HIP1R: variants seen among roughly 807,000 people sequenced by gnomAD.
HIP1R encodes the protein huntingtin-interacting protein 1-related protein.
Under a neutral mutation model 144.2 loss-of-function variants are expected in HIP1R, and 135 were observed. The ratio of observed to expected loss-of-function variants is 0.94; its 90% confidence interval spans 0.81 to 1.08. The LOEUF (loss-of-function observed/expected upper bound fraction) is 1.08, where lower values mean the gene tolerates loss of function less well. Among genes scored for constraint, HIP1R ranks in the 50% least tolerant of loss-of-function variants. The probability of loss-of-function intolerance (pLI) is 0.00; values close to 1 mark genes in which losing one functional copy is unlikely to be tolerated. For missense variants in HIP1R, 1,462 were observed against 1,432.8 expected, an observed-to-expected ratio of 1.02 and a Z score of -0.33; for synonymous variants, 698 against 612.8, an observed-to-expected ratio of 1.14 and a Z score of -2.05.
chr12:122,857,320 A>C, intron 18 of HIP1R, 105 bp downstream of exon 18: 1 of 1,041,056 alleles, frequency 9.6e-7, no homozygotes. Flanking sequence ...TGTAAAGGGG[A>C]TCATACACGA....
Position 122,856,183 on chromosome 12 carries a change from C to A in HIP1R, c.1312+20C>A. On this transcript the variant is annotated intron_variant, in intron 14 of 31. Coordinates refer to ENST00000253083, the MANE Select transcript of HIP1R (RefSeq NM_003959.3). ...CTGAGAGTACGTGGGGCCTTGGCCA[C>A]AGGGGTCCAAGGGTGTGTCCCCAGC... 6.2e-7 allele frequency: 1 copy of A among 1,610,454 alleles called. No individual in the cohort carries two copies. Among genetic ancestry groups the A allele is most frequent in the Non-Finnish European group, 8.5e-7 (1 of 1,178,656 alleles).
intron 31 of HIP1R, 93 bp downstream of exon 31, chr12:122,861,607 G>A: frequency 1.9e-6 from 3 of 1,577,042 alleles, no homozygotes; most frequent in Non-Finnish European, 1.7e-6. Flanking sequence ...GGGAAGTCAG[G>A]GACCACTGAC....
intron 1 of HIP1R, among the ~76,000 whole-genome samples, chr12:122,841,481 G>A (rs867799357): frequency 5.1e-4 from 78 of 152,254 alleles, no homozygotes; most frequent in African/African-American, 1.5e-3. Flanking sequence ...ATGCTCAGGG[G>A]CCAGTGGTCT....
chr12:122,859,503 C>T lies in HIP1R; in HGVS notation c.2373C>T (p.Ser791=), dbSNP rs750381783. 21 of 1,613,178 alleles carry T rather than the reference C, an allele frequency of 1.3e-5. No homozygotes were observed. The highest frequency in any genetic ancestry group is 1.6e-4 in the Middle Eastern group (1 of 6,084). The change falls in exon 23 of 32, where the codon TCC becomes TCT. Residue 791 remains serine, a synonymous_variant. Coordinates refer to ENST00000253083, the MANE Select transcript of HIP1R (RefSeq NM_003959.3). ...AVVDKEMAAT[S]AAIEDAVRRI... ...TCGACAAGGAGATGGCGGCCACATCCGCAGCCATTGAAGATGCTGTGCGGA... is the reference window on the plus strand; with the variant it reads ...TCGACAAGGAGATGGCGGCCACATCTGCAGCCATTGAAGATGCTGTGCGGA...
chr12:122,838,112 A>G (rs986164177), intron 1 of HIP1R, among the ~76,000 whole-genome samples: 2 of 152,270 alleles, frequency 1.3e-5, no homozygotes, highest in African/African-American at 2.4e-5. Context: ...CAGGAGGAAG[A>G]TAATTGCTTT....
rs773363398 is a variant in HIP1R at position 122,861,433 on chromosome 12, C to T, written c.3078C>T (p.Pro1026=). ...GSPGEEVAIR[P]STAPRSVTTK... is the part of the protein sequence containing the mutation. ...CTGGAGAGGAGGTGGCCATCCGGCC[C>T]AGCACTGCCCCCCGAAGTGTAACCA... The change falls in exon 31 of 32, where the codon CCC becomes CCT. Residue 1026 remains proline, a synonymous_variant. Transcript: ENST00000253083. 2 of 1,613,416 alleles carry T rather than the reference C, an allele frequency of 1.2e-6. No individual in the cohort carries two copies. The highest frequency in any genetic ancestry group is 2.7e-5 in the African/African-American group (2 of 74,920).
rs767023243 is a variant in HIP1R at position 122,859,132 on chromosome 12, G to A, written c.2230G>A (p.Ala744Thr). ...CATGGGGCAGCTGCAGGACCAGCAG[G>A]CTCTGCGGCACATGCAGGCCAGCCT... ...ELMGQLQDQQ[A>T]LRHMQASLVR... Residue 744 changes from alanine to threonine, a missense_variant, in exon 22 of 32, where the codon GCT becomes ACT. Physicochemically the swap from Ala to Thr is moderately conservative, Grantham distance 58. Coordinates refer to ENST00000253083, the MANE Select transcript of HIP1R (RefSeq NM_003959.3). The A allele has an allele frequency of 6.3e-7, 1 of 1,591,838 alleles. No homozygotes were observed. Among genetic ancestry groups the A allele is most frequent in the Non-Finnish European group, 8.5e-7 (1 of 1,170,042 alleles).
At position 122,848,917 on chromosome 12, in the gene HIP1R, G is replaced by A. The variant is rs1037719122; in HGVS notation, c.357+65G>A. 35 of 1,533,240 alleles carry A rather than the reference G, an allele frequency of 2.3e-5. 1 individual carries two copies. The African/African-American group carries it at 2.9e-4, about 13-fold the overall frequency. 95.0% of individuals were successfully genotyped at this position (1,533,240 alleles called of 1,614,324 possible). ...CTTTCCTGAGCGTGTGGGGCTGAGC[G>A]AAGGGTGGCTCCCTGTGGGCAGTTC... On this transcript the variant is annotated intron_variant, in intron 4 of 31. Transcript: ENST00000253083.
chr12:122,835,488 G>T lies in HIP1R; in HGVS notation c.-63G>T. ...GCCTCGCGGTGCCTAGGCTGGGGCT[G>T]CCGGACCGTGAGGCTGTGAGTCGCG... On this transcript the variant is annotated 5_prime_UTR_variant, in exon 1 of 32. Transcript: ENST00000253083. The T allele has an allele frequency of 1.6e-6, 2 of 1,227,918 alleles. No homozygotes were observed. Among genetic ancestry groups the T allele is most frequent in the South Asian group, 5.2e-5 (2 of 38,550 alleles). The allele number at this position is 1,227,918 out of a possible 1,614,324, so 76.1% of individuals were successfully genotyped here.
At position 122,855,071 on chromosome 12, in the gene HIP1R, C is replaced by G. The variant is rs773113409; in HGVS notation, c.795C>G (p.Arg265=). Residue 265 remains arginine (R), a synonymous_variant, in exon 10 of 32, where the codon CGC becomes CGG. Transcript: ENST00000253083. The part of the protein sequence containing the change: ...EQFHSLRNFF[R]RASDMLYFKR... ...TCTGCAGCCTCAGGAACTTCTTCCG[C>G]AGAGCCTCCGACATGCTGTACTTCA... The G allele has an allele frequency of 2.1e-5, 34 of 1,613,804 alleles. No individual in the cohort carries two copies. The highest frequency in any genetic ancestry group is 2.5e-5 in the Non-Finnish European group (29 of 1,180,030).
chr12:122,852,103 A>G (rs2033419203), intron 7 of HIP1R, among the ~76,000 whole-genome samples: 1 of 152,144 alleles, frequency 6.6e-6, no homozygotes, highest in South Asian at 2.1e-4. Context: ...CTTCAAAACA[A>G]CTCATGGGTG....
chr12:122,861,682 A>G, intron 31 of HIP1R, 24 bp from the exon 32 acceptor site: 2 of 1,613,386 alleles, frequency 1.2e-6, no homozygotes, highest in South Asian at 2.2e-5. Context: ...GTGACCACTG[A>G]CCCCCCACCT....
At position 122,860,044 on chromosome 12, in the gene HIP1R, C is replaced by T. The variant is rs754351737; in HGVS notation, c.2466-3C>T. On this transcript the variant is annotated splice_polypyrimidine_tract_variant and splice_region_variant and intron_variant, in intron 24 of 31. Transcript: ENST00000253083. ...CAGCTAAGTCTCTCCTTCTCTCCCC[C>T]AGGATCCTCAACTCCTGCACAGACC... 4.0e-5 allele frequency: 63 copies of T among 1,555,918 alleles called. No individual in the cohort carries two copies. Among genetic ancestry groups the T allele is most frequent in the Admixed American group, 5.7e-5 (3 of 52,430 alleles).
chr12:122,855,943 G>T, intron 13 of HIP1R, 37 bp from the exon 14 acceptor site: 1 of 1,569,000 alleles, frequency 6.4e-7, no homozygotes, highest in Non-Finnish European at 8.6e-7. Context: ...GCCCCTCACG[G>T]CCCAGGCAGG....
At position 122,848,463 on chromosome 12, in the gene HIP1R, C is replaced by G. The variant is rs775426094; in HGVS notation, c.158-3C>G. 7.5e-6 allele frequency: 12 copies of G among 1,608,890 alleles called. No homozygotes were observed. Among genetic ancestry groups the G allele is most frequent in the Non-Finnish European group, 1.0e-5 (12 of 1,177,466 alleles). On this transcript the variant is annotated splice_polypyrimidine_tract_variant and splice_region_variant and intron_variant, in intron 2 of 31. Coordinates refer to ENST00000253083, the MANE Select transcript of HIP1R (RefSeq NM_003959.3). Reference sequence around the variant, plus strand: ...GCTTCCACACTTGGCCTTGACATTGCAGGCATCATTCTGGGCACACACCAC... The same window carrying G: ...GCTTCCACACTTGGCCTTGACATTGGAGGCATCATTCTGGGCACACACCAC...
intron 26 of HIP1R, 48 bp downstream of exon 26, chr12:122,860,258 C>T: frequency 6.5e-7 from 1 of 1,530,478 alleles, no homozygotes; most frequent in Non-Finnish European, 8.8e-7. Flanking sequence ...AGCCTGACCC[C>T]CAGCCTAGGC....
In HIP1R at chr12:122,858,159, C is replaced by T. The variant is rs117866676; in HGVS notation, c.1873C>T (p.Arg625Trp). The T allele has an allele frequency of 2.3e-3, 3,738 of 1,605,902 alleles. 116 individuals carry two copies. In the East Asian group the frequency reaches 0.07, roughly 30 times the overall value. Reference protein sequence around the residue: ...RLLDEQFAVLRGAAAEAAGIL... With the variant: ...RLLDEQFAVLWGAAAEAAGIL... ...GCTGGACGAGCAGTTCGCAGTGTTG[C>T]GGGGCGCTGCTGCCGAGGCCGCGGG... Residue 625 changes from arginine to tryptophan, a missense_variant, in exon 19 of 32, where the codon CGG (arginine) becomes TGG (tryptophan). Coordinates refer to ENST00000253083, the MANE Select transcript of HIP1R (RefSeq NM_003959.3).
At chr12:122,855,426 G>A (rs773974604) in intron 11 of HIP1R, 21 bp downstream of exon 11, 9 of 1,552,148 alleles carry the variant, frequency 5.8e-6, no homozygotes, top group South Asian at 3.5e-5. Context: ...TGCCCAGCCC[G>A]TGTCCCCCAG....
Position 122,856,704 on chromosome 12 carries a change from A to C in HIP1R, c.1598A>C (p.Glu533Ala). 3 of 1,583,976 alleles carry C rather than the reference A, an allele frequency of 1.9e-6. No individual in the cohort carries two copies. The highest frequency in any genetic ancestry group is 2.6e-6 in the Non-Finnish European group (3 of 1,165,546). Residue 533 changes from glutamate to alanine, a missense_variant, in exon 17 of 32, where the codon GAG becomes GCG. Transcript: ENST00000253083. ...AKAGELARAQ[E>A]ALSHTEQSKS... ...GCCGGAGAGCTGGCCCGCGCGCAGG[A>C]GGCCCTGAGCCACACAGAGCAGGTG...
Sources: allele counts gnomAD v4.1 joint callset (sites outside exome capture counted in the v4.1 genomes callset), GRCh38; gene constraint gnomAD v4.1.1; transcripts MANE v1.5; gene names NCBI Gene and HGNC (gene_info 2026-07-23, HGNC 2026-07-21).